DNASE1L3: variants seen among roughly 807,000 people sequenced by gnomAD.
The protein encoded by DNASE1L3 is deoxyribonuclease 1L3.
A neutral mutation model predicts 30.9 loss-of-function variants in DNASE1L3; 27 were observed. The observed-to-expected ratio is 0.87, with a 90% CI of 0.64 to 1.20. The LOEUF is 1.20. Among genes scored for constraint, DNASE1L3 ranks in the 50% most tolerant of loss-of-function variants. The pLI, the probability that DNASE1L3 is intolerant of heterozygous loss-of-function variation, is 0.00. For missense variants in DNASE1L3, 364 were observed against 378.2 expected (o/e 0.96, Z 0.31); for synonymous variants, 135 against 138.0 (o/e 0.98, Z 0.15).
chr3:58,201,476 G>A (rs9854733), intron 4 of DNASE1L3, among the ~76,000 whole-genome samples: 2,355 of 152,274 alleles, frequency 0.015, 58 homozygotes, highest in African/African-American at 0.054. Context: ...TCCTTGCTTT[G>A]TGCTAATAAC....
At chr3:58,206,936 C>T (rs909214981) in intron 2 of DNASE1L3, among the ~76,000 whole-genome samples, 1 of 152,116 alleles carries the variant, frequency 6.6e-6, no homozygotes, top group Non-Finnish European at 1.5e-5. Flanking sequence ...CTTGCCTGTC[C>T]CTACAATTGT....
intron 6 of DNASE1L3, among the ~76,000 whole-genome samples, chr3:58,195,049 ACTT>A (rs1187902385): frequency 2.0e-5 from 3 of 152,118 alleles, no homozygotes; most frequent in Non-Finnish European, 2.9e-5. Flanking sequence ...TCCATTTCTG[ACTT>A]CTTCTAGGGA....
chr3:58,208,383 T>C (rs1405467258), intron 1 of DNASE1L3, 77 bp from the exon 2 acceptor site: 1 of 1,427,472 alleles, frequency 7.0e-7, no homozygotes, highest in Non-Finnish European at 9.9e-7. Flanking sequence ...ACACTTACTG[T>C]TTTTAAGTAT....
At chr3:58,202,042 T>C (rs1013344133) in intron 4 of DNASE1L3, among the ~76,000 whole-genome samples, 2 of 152,156 alleles carry the variant, frequency 1.3e-5, no homozygotes, top group African/African-American at 2.4e-5. Flanking sequence ...CAAATCTGTA[T>C]TTTCTTTTGT....
rs552842633 is a variant in DNASE1L3, at chr3:58,200,325, C to G, written c.546+672G>C. Among the ~76,000 whole-genome samples the G allele has an allele frequency of 6.6e-6, 1 of 152,288 alleles. No homozygotes were observed. The highest frequency in any genetic ancestry group is 2.4e-5 in the African/African-American group (1 of 41,554). On this transcript the variant is annotated intron_variant, in intron 5 of 7. Transcript: ENST00000394549. The surrounding 1 kb of genome is among the most constrained non-coding windows in gnomAD (Gnocchi z 4.2). The stretch of plus-strand genomic sequence containing the variant: ...AGAGCCAATGAGACTCAGTCCCACA[C>G]TATTTGTTGCCTTGTGGGAAAGAAA...
At chr3:58,193,281 G>A in intron 7 of DNASE1L3, 62 bp downstream of exon 7, 1 of 1,580,832 alleles carries the variant, frequency 6.3e-7, no homozygotes, top group Non-Finnish European at 8.7e-7. Context: ...GTCTCATCAT[G>A]TTGCCCAAGC....
intron 6 of DNASE1L3, among the ~76,000 whole-genome samples, chr3:58,195,967 T>C (rs3856707): frequency 0.4 from 60,142 of 152,024 alleles, 13,477 homozygotes; most frequent in African/African-American, 0.61. Flanking sequence ...GTTCTACCCC[T>C]GACCTGATCT....
At chr3:58,205,770 C>T (rs2097403507) in intron 2 of DNASE1L3, among the ~76,000 whole-genome samples, 1 of 152,228 alleles carries the variant, frequency 6.6e-6, no homozygotes, top group Admixed American at 6.5e-5. Context: ...TATTTCTTGC[C>T]TTATGAGGAG....
At chr3:58,193,271 G>A in intron 7 of DNASE1L3, 72 bp downstream of exon 7, 3 of 1,560,972 alleles carry the variant, frequency 1.9e-6, no homozygotes, top group Non-Finnish European at 2.6e-6. Context: ...TAGAGATGGA[G>A]TCTCATCATG....
chr3:58,202,966 C>G (rs2097401742), intron 4 of DNASE1L3, among the ~76,000 whole-genome samples: 1 of 152,156 alleles, frequency 6.6e-6, no homozygotes, highest in African/African-American at 2.4e-5. Flanking sequence ...TGTGAAGTGT[C>G]TGAAAACCTT....
At chr3:58,198,874 G>A (rs574137895) in intron 5 of DNASE1L3, among the ~76,000 whole-genome samples, 233 of 152,270 alleles carry the variant, frequency 1.5e-3, no homozygotes, top group Non-Finnish European at 2.6e-3. Context: ...CCCTTGAGGA[G>A]GTGGGAGGCA....
At chr3:58,199,115 AT>A (rs1162014748) in intron 5 of DNASE1L3, among the ~76,000 whole-genome samples, 2 of 152,090 alleles carry the variant, frequency 1.3e-5, no homozygotes, top group African/African-American at 2.4e-5. Context: ...GGTGATCACA[AT>A]TTTCCCCATG....
At position 58,210,749 on chromosome 3, in the gene DNASE1L3, C is replaced by T; in HGVS notation, c.141+17G>A. On this transcript the variant is annotated intron_variant, in intron 1 of 7. Transcript: ENST00000394549. The stretch of plus-strand genomic sequence containing the variant: ...GTGAGGGGTGTCTGGGATCCTCCTC[C>T]CAGGAAAGGGGCTCACCTTCACAAT... 6.2e-7 allele frequency: 1 copy of T among 1,613,962 alleles called. No individual in the cohort carries two copies. Among genetic ancestry groups the T allele is most frequent in the East Asian group, 2.2e-5 (1 of 44,874 alleles).
At position 58,204,828 on chromosome 3, in the gene DNASE1L3, C is replaced by T. The variant is rs867139693; in HGVS notation, c.374G>A (p.Gly125Glu). The T allele has an allele frequency of 6.2e-7, 1 of 1,614,196 alleles. No homozygotes were observed. The highest frequency in any genetic ancestry group is 8.5e-7 in the Non-Finnish European group (1 of 1,180,034). The change falls in exon 4 of 8, where the codon GGA becomes GAA. Residue 125 changes from glycine to glutamate, a missense_variant. Physicochemically the swap from Gly to Glu is moderately conservative, Grantham distance 98. Coordinates refer to ENST00000394549, the MANE Select transcript of DNASE1L3 (RefSeq NM_004944.4). The stretch of plus-strand genomic sequence containing the variant: ...CTCCCTGGAAAACACATCTGCGTCT[C>T]CATCCTGATAGTCATGGTAGTGATA... ...RSYHYHDYQDGDADVFSREPF... is the reference protein window; with the variant it reads ...RSYHYHDYQDEDADVFSREPF...
intron 4 of DNASE1L3, among the ~76,000 whole-genome samples, chr3:58,204,378 T>C (rs1008828989): frequency 1.6e-4 from 25 of 152,028 alleles, no homozygotes; most frequent in African/African-American, 6.0e-4. Context: ...TGACCTCAGG[T>C]GATCCACCTG....
intron 4 of DNASE1L3, among the ~76,000 whole-genome samples, chr3:58,204,141 ATT>A (rs10662293): frequency 8.5e-5 from 12 of 141,288 alleles, no homozygotes; most frequent in Admixed American, 1.4e-4. Flanking sequence ...ATTGCTTAGG[ATT>A]TTTTTTTTTT....
At chr3:58,201,184 A>T (rs4234389) in intron 4 of DNASE1L3, 75 bp from the exon 5 acceptor site, 1 of 1,179,102 alleles carries the variant, frequency 8.5e-7, no homozygotes, top group Non-Finnish European at 1.2e-6. Flanking sequence ...GAGGGAAACC[A>T]GCTGTCCCCT....
chr3:58,192,474 C>T lies in DNASE1L3; in HGVS notation c.*213G>A. 1 of 420,464 alleles carries T rather than the reference C, an allele frequency of 2.4e-6. No individual in the cohort carries two copies. Among genetic ancestry groups the T allele is most frequent in the East Asian group, 4.7e-5 (1 of 21,276 alleles). The allele number at this position is 420,464 out of a possible 1,614,324, so 26.0% of individuals were successfully genotyped here. A position where few individuals can be genotyped will look rare whatever the true frequency, so the allele number is the denominator to read the frequency against. ...ATCATCATTTTGGTCTACAAATGCC[C>T]CTGGTTCCCTTTTAGACAATTCAGG... On this transcript the variant is annotated 3_prime_UTR_variant, in exon 8 of 8. Transcript: ENST00000394549. This position sits in a 1 kb window ranked among gnomAD's most constrained non-coding sequence, Gnocchi z 4.8.
rs527431297 is a variant in DNASE1L3 at position 58,202,844 on chromosome 3, A to C, written c.434-1735T>G. Among the ~76,000 whole-genome samples the C allele has an allele frequency of 5.6e-4, 85 of 151,448 alleles. 1 individual carries two copies. The South Asian group carries it at 0.016, about 29-fold the overall frequency. ...CTCCAGCCTGGGCAAGAAGAGTGAA[A>C]CTCTGTCTAAAAAAAAAAAAATGAG... On this transcript the variant is annotated intron_variant, in intron 4 of 7. Coordinates refer to ENST00000394549, the MANE Select transcript of DNASE1L3 (RefSeq NM_004944.4).
Sources: allele counts gnomAD v4.1 joint callset (sites outside exome capture counted in the v4.1 genomes callset), GRCh38; gene constraint gnomAD v4.1.1; non-coding constraint Gnocchi (gnomAD v3.1); transcripts MANE v1.5; gene names NCBI Gene and HGNC (gene_info 2026-07-23, HGNC 2026-07-21).